CWH43: variants seen among roughly 807,000 people sequenced by gnomAD.
The protein encoded by CWH43 is PGAP2-interacting protein.
A neutral mutation model predicts 85.7 loss-of-function variants in CWH43; 91 were observed. The ratio of observed to expected loss-of-function variants is 1.06; its 90% CI spans 0.90 to 1.26. CWH43 has a LOEUF of 1.26. Ranked by LOEUF, CWH43 falls within the 50% of genes most tolerant of loss-of-function variation. The probability of loss-of-function intolerance (pLI) is 0.00; values close to 1 mark genes in which losing one functional copy is unlikely to be tolerated. For synonymous variants in CWH43, 323 were observed against 293.6 expected, an observed-to-expected ratio of 1.10 and a Z score of -1.02; for missense variants, 869 against 839.2, an observed-to-expected ratio of 1.04 and a Z score of -0.44.
At chr4:49,036,420 C>G (rs1017872342) in intron 12 of CWH43, among the ~76,000 whole-genome samples, 4 of 152,202 alleles carry the variant, frequency 2.6e-5, no homozygotes, top group Non-Finnish European at 5.9e-5. Context: ...AGGGGTTTAA[C>G]AAATGGCCGT....
chr4:49,034,032 A>C (rs1434666761), intron 12 of CWH43, among the ~76,000 whole-genome samples: 3 of 152,114 alleles, frequency 2.0e-5, no homozygotes, highest in African/African-American at 4.8e-5. Context: ...TTCTTAAAAA[A>C]CTCAGATCAT....
intron 8 of CWH43, among the ~76,000 whole-genome samples, chr4:49,011,411 G>T (rs547705440): frequency 6.6e-6 from 1 of 152,160 alleles, no homozygotes; most frequent in South Asian, 2.1e-4. Context: ...CACAGTAATG[G>T]GTCTTGACTA....
chr4:49,016,709 G>T, intron 8 of CWH43: 2 of 773,536 alleles, frequency 2.6e-6, no homozygotes, highest in South Asian at 2.7e-5. Flanking sequence ...TATCTGTGAT[G>T]ACCTTTGCCT....
chr4:49,041,834 G>A lies in CWH43; in HGVS notation c.1804-2952G>A, dbSNP rs62295195. On this transcript the variant is annotated intron_variant, in intron 13 of 15. Transcript: ENST00000226432. Reference sequence around the variant, plus strand: ...AAGAGCATATGCCAGTTCCTCTGAAGGCAAGTCCCAGAAACTGATCTGTAA... The same window carrying A: ...AAGAGCATATGCCAGTTCCTCTGAAAGCAAGTCCCAGAAACTGATCTGTAA... Among the ~76,000 whole-genome samples the A allele has an allele frequency of 4.0e-3, 612 of 152,246 alleles. 1 individual carries two copies. Among genetic ancestry groups the A allele is most frequent in the Middle Eastern group, 6.8e-3 (2 of 294 alleles).
At chr4:49,039,439 A>T (rs1474581686) in intron 13 of CWH43, among the ~76,000 whole-genome samples, 9 of 143,054 alleles carry the variant, frequency 6.3e-5, no homozygotes, top group African/African-American at 2.3e-4. Flanking sequence ...ACTTATATAT[A>T]TATATATATA....
chr4:49,016,541 G>A (rs1293456060), intron 8 of CWH43: 3 of 664,222 alleles, frequency 4.5e-6, no homozygotes, highest in Admixed American at 1.8e-5. Flanking sequence ...AAGCGGAGAA[G>A]GGATTGGCCT....
intron 14 of CWH43, among the ~76,000 whole-genome samples, chr4:49,049,896 AC>A (rs1458082676): frequency 6.6e-6 from 1 of 152,070 alleles, no homozygotes; most frequent in Admixed American, 6.6e-5. Context: ...TCACTACCTG[AC>A]TTATTGTAAA....
intron 8 of CWH43, among the ~76,000 whole-genome samples, chr4:49,014,679 T>C (rs1363739244): frequency 2.6e-5 from 4 of 152,106 alleles, no homozygotes; most frequent in Non-Finnish European, 5.9e-5. Context: ...ACAGTTTATT[T>C]ACAGTTATTT....
At chr4:49,058,505 A>G (rs1457347239) in intron 15 of CWH43, among the ~76,000 whole-genome samples, 1 of 152,222 alleles carries the variant, frequency 6.6e-6, no homozygotes. Flanking sequence ...ATGATGCTGC[A>G]TCAGCATTAA....
chr4:49,007,174 A>G (rs377060143), intron 7 of CWH43, 27 bp from the exon 8 acceptor site: 17 of 1,596,592 alleles, frequency 1.1e-5, no homozygotes, highest in South Asian at 2.3e-5. Flanking sequence ...TCAGACTATA[A>G]CATATTCTTT....
intron 13 of CWH43, among the ~76,000 whole-genome samples, chr4:49,042,380 C>A (rs2109826858): frequency 6.6e-6 from 1 of 152,216 alleles, no homozygotes; most frequent in Non-Finnish European, 1.5e-5. Flanking sequence ...TGGGTCTGGT[C>A]AGAGGGATTA....
chr4:49,057,743 T>C (rs1785012803), intron 15 of CWH43, among the ~76,000 whole-genome samples: 1 of 152,228 alleles, frequency 6.6e-6, no homozygotes, highest in African/African-American at 2.4e-5. Context: ...TGTATTGCTG[T>C]CTAGTTCTCC....
intron 15 of CWH43, among the ~76,000 whole-genome samples, chr4:49,058,839 G>A (rs1346021354): frequency 6.6e-6 from 1 of 152,158 alleles, no homozygotes; most frequent in Non-Finnish European, 1.5e-5. Flanking sequence ...TAGTCTTATA[G>A]GTGTTCCCTT....
chr4:49,051,299 T>C (rs1309615602), intron 15 of CWH43, among the ~76,000 whole-genome samples: 1 of 152,136 alleles, frequency 6.6e-6, no homozygotes, highest in Admixed American at 6.5e-5. Flanking sequence ...ACATGGCTAG[T>C]GAGTGATGGA....
At chr4:49,038,343 T>C (rs1431825381) in intron 13 of CWH43, among the ~76,000 whole-genome samples, 163 bp downstream of exon 13, 4 of 152,180 alleles carry the variant, frequency 2.6e-5, no homozygotes, top group Non-Finnish European at 5.9e-5. Context: ...ACAGCAATCA[T>C]CTATTTGCTC....
intron 9 of CWH43, among the ~76,000 whole-genome samples, chr4:49,027,009 T>G (rs1315772259): frequency 6.6e-6 from 1 of 152,224 alleles, no homozygotes; most frequent in African/African-American, 2.4e-5. Context: ...TCATGCTGAT[T>G]TTATTTTACT....
At chr4:49,000,181 G>T (rs1198639032) in intron 6 of CWH43, among the ~76,000 whole-genome samples, 1 of 152,120 alleles carries the variant, frequency 6.6e-6, no homozygotes, top group Admixed American at 6.5e-5. Context: ...GCTGTGTGTG[G>T]GTTTGAGAGA....
intron 14 of CWH43, among the ~76,000 whole-genome samples, chr4:49,047,513 C>G (rs2109834771): frequency 6.6e-6 from 1 of 152,178 alleles, no homozygotes; most frequent in South Asian, 2.1e-4. Flanking sequence ...CTGGGTAGGT[C>G]TTACTAAGAA....
At chr4:48,987,170 G>A (rs867118535) in intron 1 of CWH43, among the ~76,000 whole-genome samples, 3 of 152,102 alleles carry the variant, frequency 2.0e-5, no homozygotes, top group Middle Eastern at 6.8e-3. Context: ...TGGGTGGGGC[G>A]CCTTCCTGAG....
Sources: gnomAD v4.1 joint callset for allele counts (sites outside exome capture counted in the v4.1 genomes callset) on GRCh38, gnomAD v4.1.1 for gene constraint, MANE v1.5 for transcripts, NCBI Gene and HGNC (gene_info 2026-07-23, HGNC 2026-07-21) for gene names.